CLIC5: variants seen among roughly 807,000 people sequenced by gnomAD.
CLIC5 encodes the protein chloride intracellular channel protein 5.
A neutral mutation model predicts 24.7 loss-of-function variants in CLIC5; 20 were observed. The ratio of observed to expected loss-of-function variants is 0.81; its 90% CI spans 0.57 to 1.18. The LOEUF is 1.18. Among genes scored for constraint, CLIC5 ranks in the 50% most tolerant of loss-of-function variants. The probability of loss-of-function intolerance (pLI) is 0.00; values close to 1 mark genes in which losing one functional copy is unlikely to be tolerated. For synonymous variants in CLIC5, 159 were observed against 135.6 expected, an observed-to-expected ratio of 1.17 and a Z score of -1.20; for missense variants, 341 against 326.1, an observed-to-expected ratio of 1.05 and a Z score of -0.35.
At chr6:45,971,511 G>T (rs1375412667) in intron 1 of CLIC5, among the ~76,000 whole-genome samples, 3 of 152,174 alleles carry the variant, frequency 2.0e-5, no homozygotes, top group African/African-American at 7.2e-5. Flanking sequence ...GCCTGCTATT[G>T]TTGGACTATG....
intron 1 of CLIC5, among the ~76,000 whole-genome samples, chr6:46,073,271 C>A (rs781512520): frequency 6.6e-6 from 1 of 152,146 alleles, no homozygotes; most frequent in Non-Finnish European, 1.5e-5. Context: ...GGAAACTATA[C>A]TAAAATAACA....
intron 1 of CLIC5, among the ~76,000 whole-genome samples, chr6:46,060,401 AAAC>A (rs1762218585): frequency 6.6e-6 from 1 of 152,196 alleles, no homozygotes; most frequent in Non-Finnish European, 1.5e-5. Context: ...ATACAAGTAA[AAAC>A]AATCTCTGTG....
chr6:45,894,906 G>A (rs1762380674), downstream of CLIC5, among the ~76,000 whole-genome samples: 1 of 147,184 alleles, frequency 6.8e-6, no homozygotes, highest in Non-Finnish European at 1.5e-5. Flanking sequence ...GTAGCAAGTT[G>A]TTTTTGTCTG....
intron 4 of CLIC5, among the ~76,000 whole-genome samples, chr6:45,933,514 C>T (rs538761727): frequency 8.1e-4 from 124 of 152,352 alleles, no homozygotes; most frequent in Middle Eastern, 3.4e-3. Flanking sequence ...ATGCCCAGCA[C>T]GTCACAGATA....
intron 1 of CLIC5, among the ~76,000 whole-genome samples, chr6:45,970,964 C>T (rs763397382): frequency 6.6e-6 from 1 of 152,180 alleles, no homozygotes; most frequent in Non-Finnish European, 1.5e-5. Flanking sequence ...GTAAATTCTC[C>T]ACTTTATGTC....
the CLIC5 span, among the ~76,000 whole-genome samples, chr6:46,108,032 C>CAAAAAAAA: frequency 0.12 from 3,884 of 33,114 alleles, 412 homozygotes; most frequent in Non-Finnish European, 0.15. Flanking sequence ...AAAACTCCAT[C>CAAAAAAAA]AAAAAAAAAA....
rs557207395 is a variant in CLIC5 at position 46,078,611 on chromosome 6, C to T, written c.540+1092G>A. 3.9e-5 allele frequency among the ~76,000 whole-genome samples: 6 copies of T among 152,294 alleles called. No individual in the cohort carries two copies. In the East Asian group the frequency reaches 1.2e-3, roughly 29 times the overall value. On this transcript the variant is annotated intron_variant, in intron 1 of 5. Coordinates refer to the CLIC5 transcript ENST00000185206. Reference sequence around the variant, plus strand: ...GTCTCTGTCACCATATTATTCATTACTTAAGAGCAAGGGCCTTGTCTTGCA... The same window carrying T: ...GTCTCTGTCACCATATTATTCATTATTTAAGAGCAAGGGCCTTGTCTTGCA...
intron 1 of CLIC5, among the ~76,000 whole-genome samples, chr6:46,043,952 A>G (rs181768124): frequency 6.6e-6 from 1 of 152,340 alleles, no homozygotes; most frequent in Admixed American, 6.5e-5. Flanking sequence ...GCTGTGTGCA[A>G]TGTCCTCTGC....
intron 1 of CLIC5, chr6:46,079,602 AC>A: frequency 1.0e-6 from 1 of 988,642 alleles, no homozygotes; most frequent in Non-Finnish European, 1.5e-6. Flanking sequence ...AGATCCAAGG[AC>A]CATGGCATTA....
chr6:45,986,775 TCTCC>T (rs780435701), intron 1 of CLIC5, among the ~76,000 whole-genome samples: 1 of 40,158 alleles, frequency 2.5e-5, no homozygotes, highest in Admixed American at 2.4e-4. Flanking sequence ...AAGGATACAA[TCTCC>T]CCTGCATTCC....
chr6:45,977,015 G>T (rs1173132537), intron 1 of CLIC5, among the ~76,000 whole-genome samples: 1 of 152,146 alleles, frequency 6.6e-6, no homozygotes, highest in African/African-American at 2.4e-5. Context: ...CATATCAAAA[G>T]AATAAATTAT....
At chr6:46,022,256 C>T (rs900185841) in intron 1 of CLIC5, among the ~76,000 whole-genome samples, 1 of 152,098 alleles carries the variant, frequency 6.6e-6, no homozygotes, top group Non-Finnish European at 1.5e-5. Context: ...AAAATGCTTG[C>T]CCTACCCACT....
At chr6:46,042,569 T>G (rs1328254009) in intron 1 of CLIC5, among the ~76,000 whole-genome samples, 3 of 152,206 alleles carry the variant, frequency 2.0e-5, no homozygotes, top group Non-Finnish European at 4.4e-5. Flanking sequence ...CAGTCATGCC[T>G]CTGAAAAACC....
At chr6:46,092,368 C>G in the CLIC5 span, among the ~76,000 whole-genome samples, 1 of 151,734 alleles carries the variant, frequency 6.6e-6, no homozygotes, top group Non-Finnish European at 1.5e-5. Flanking sequence ...ATGCCAATTA[C>G]AAAAGTATTT....
chr6:45,907,257 A>C (rs1762686399), intron 5 of CLIC5, among the ~76,000 whole-genome samples: 1 of 152,118 alleles, frequency 6.6e-6, no homozygotes, highest in South Asian at 2.1e-4. Flanking sequence ...ATTTTATCCA[A>C]AGGTTTTCTG....
intron 1 of CLIC5, among the ~76,000 whole-genome samples, chr6:46,035,912 T>C (rs1343229513): frequency 1.3e-5 from 2 of 151,466 alleles, no homozygotes; most frequent in Non-Finnish European, 2.9e-5. Flanking sequence ...ACCCAGCTAA[T>C]TTTTTTGTAT....
At chr6:45,913,443 T>C (rs753453893) in intron 5 of CLIC5, among the ~76,000 whole-genome samples, 29 of 152,296 alleles carry the variant, frequency 1.9e-4, no homozygotes, top group South Asian at 6.2e-4. Context: ...CTTGGGCTCA[T>C]TGTAAAGAAC....
At chr6:45,897,980 A>C (rs1581706098), downstream of CLIC5, among the ~76,000 whole-genome samples, 2 of 152,134 alleles carry the variant, frequency 1.3e-5, no homozygotes, top group African/African-American at 4.8e-5. Flanking sequence ...TGCAAAAAAA[A>C]AAAAATTGGT....
chr6:46,008,730 A>G (rs920468722), intron 1 of CLIC5, among the ~76,000 whole-genome samples: 1 of 152,230 alleles, frequency 6.6e-6, no homozygotes, highest in Non-Finnish European at 1.5e-5. Flanking sequence ...TATACAAAGG[A>G]AGAAAAGAAA....
Sources: allele counts gnomAD v4.1 joint callset (sites outside exome capture counted in the v4.1 genomes callset), GRCh38; gene constraint gnomAD v4.1.1; transcripts MANE v1.5; gene names NCBI Gene and HGNC (gene_info 2026-07-23, HGNC 2026-07-21).